The following SLC8A3 variants were observed in gnomAD, a reference collection of about 807,000 sequenced individuals.
SLC8A3 encodes sodium/calcium exchanger 3.
In SLC8A3, 37 loss-of-function variants were observed where a neutral mutation model predicts 65.4. The observed-to-expected ratio is 0.57, with a 90% CI of 0.44 to 0.74. SLC8A3 has a LOEUF of 0.74. Ranked by LOEUF, SLC8A3 falls within the 30% of genes least tolerant of loss-of-function variation. The probability of loss-of-function intolerance (pLI) is 0.00; values close to 1 mark genes in which losing one functional copy is unlikely to be tolerated. For missense variants in SLC8A3, 1,112 were observed against 1,172.1 expected (o/e 0.95, Z 0.75); for synonymous variants, 461 against 444.5 (o/e 1.04, Z -0.47).
chr14:70,160,402 C>T (rs1314145731), intron 2 of SLC8A3, among the ~76,000 whole-genome samples: 1 of 151,986 alleles, frequency 6.6e-6, no homozygotes, highest in African/African-American at 2.4e-5. Flanking sequence ...CGAGTGACAG[C>T]CTGGGCGACA....
chr14:70,089,271 C>G (rs904221802), intron 2 of SLC8A3, among the ~76,000 whole-genome samples: 1 of 152,184 alleles, frequency 6.6e-6, no homozygotes, highest in African/African-American at 2.4e-5. Flanking sequence ...GAGCCTCCCA[C>G]AGCTGGTGTT....
At chr14:70,084,025 T>A (rs1159838990) in intron 2 of SLC8A3, among the ~76,000 whole-genome samples, 1 of 152,200 alleles carries the variant, frequency 6.6e-6, no homozygotes, top group African/African-American at 2.4e-5. Flanking sequence ...CTGAATAACA[T>A]TGGGAAAAGC....
At chr14:70,171,127 C>T (rs1038992068) in intron 1 of SLC8A3, among the ~76,000 whole-genome samples, 11 of 152,148 alleles carry the variant, frequency 7.2e-5, no homozygotes, top group East Asian at 1.9e-4. Flanking sequence ...CCCCATGCAG[C>T]GATGACAGAT....
chr14:70,068,639 C>G (rs1192780916), intron 2 of SLC8A3, among the ~76,000 whole-genome samples: 4 of 152,320 alleles, frequency 2.6e-5, no homozygotes, highest in African/African-American at 9.6e-5. Context: ...TCACCTTGAC[C>G]TCCCAAAGTG....
At chr14:70,140,675 G>C (rs1276473365) in intron 2 of SLC8A3, among the ~76,000 whole-genome samples, 1 of 152,176 alleles carries the variant, frequency 6.6e-6, no homozygotes, top group Non-Finnish European at 1.5e-5. Flanking sequence ...TTTTTGAATG[G>C]AGTCTGGCAG....
rs1318363293 is a variant in SLC8A3 at position 70,051,159 on chromosome 14, AT to A, written c.2014-53del. On this transcript the variant is annotated intron_variant, in intron 4 of 6. Transcript: ENST00000356921. ...CATGAGGTTAGAATGCTCAGAACCA[AT>A]GAGGAGTCTGGTTCTTCAAAGGAAT... 4.9e-6 allele frequency: 6 copies of A among 1,214,782 alleles called. 1 individual carries two copies. The African/African-American group carries it at 8.9e-5, about 18-fold the overall frequency. The allele number at this position is 1,214,782 out of a possible 1,614,324, so 75.3% of individuals were successfully genotyped here. A position where few individuals can be genotyped will look rare whatever the true frequency, so the allele number is the denominator to read the frequency against.
chr14:70,106,356 T>A (rs905821665), intron 2 of SLC8A3, among the ~76,000 whole-genome samples: 5 of 152,284 alleles, frequency 3.3e-5, no homozygotes, highest in Admixed American at 3.3e-4. Context: ...AAAGAAAATA[T>A]TCTTGGAAAA....
At chr14:70,165,089 T>A (rs1897096861) in intron 2 of SLC8A3, among the ~76,000 whole-genome samples, 2 of 152,206 alleles carry the variant, frequency 1.3e-5, no homozygotes, top group South Asian at 4.1e-4. Context: ...ATGTCTATGG[T>A]TCAGAAAATC....
chr14:70,163,595 T>C (rs1048831770), intron 2 of SLC8A3, among the ~76,000 whole-genome samples: 2 of 152,334 alleles, frequency 1.3e-5, no homozygotes, highest in Admixed American at 6.5e-5. Context: ...GTTTCCAGAC[T>C]GGTGTGGCAA....
intron 2 of SLC8A3, among the ~76,000 whole-genome samples, chr14:70,081,141 G>A (rs1251473689): frequency 6.6e-6 from 1 of 152,194 alleles, no homozygotes; most frequent in Non-Finnish European, 1.5e-5. Context: ...AGTTGAAGTG[G>A]AGAATCTCCC....
chr14:70,051,862 G>T (rs534828872), intron 4 of SLC8A3, 128 bp downstream of exon 4: 6 of 699,366 alleles, frequency 8.6e-6, no homozygotes, highest in South Asian at 7.4e-5. Context: ...GAGACCTGGG[G>T]TGGGTAAGTG....
intron 2 of SLC8A3, among the ~76,000 whole-genome samples, chr14:70,135,303 A>G (rs1895116839): frequency 6.6e-6 from 1 of 152,222 alleles, no homozygotes; most frequent in Non-Finnish European, 1.5e-5. Flanking sequence ...AATGTAAGTA[A>G]TACAGCCACC....
intron 2 of SLC8A3, among the ~76,000 whole-genome samples, chr14:70,064,184 C>T (rs972515613): frequency 7.9e-5 from 12 of 152,272 alleles, no homozygotes; most frequent in Middle Eastern, 3.4e-3. Flanking sequence ...GCTTCACAGC[C>T]GAGGGCTCTG....
rs374457421 is a variant in SLC8A3, at chr14:70,113,187, G to A, written c.1785-52248C>T. Among the ~76,000 whole-genome samples, 3 of 152,128 alleles carry A rather than the reference G, an allele frequency of 2.0e-5. No individual in the cohort carries two copies. The East Asian group carries it at 5.8e-4, about 29-fold the overall frequency. ...TGTCATTAGGAAGTTTCATCACTGT[G>A]AAAACATCATAGAGTGTACTTACCC... On this transcript the variant is annotated intron_variant, in intron 2 of 6. Coordinates refer to ENST00000356921, the MANE Select transcript of SLC8A3 (RefSeq NM_182932.3).
In SLC8A3 at chr14:70,168,482, G is replaced by C; in HGVS notation, c.-60C>G. 7.2e-7 allele frequency: 1 copy of C among 1,390,578 alleles called. No homozygotes were observed. The highest frequency in any genetic ancestry group is 9.9e-7 in the Non-Finnish European group (1 of 1,011,166). 86.1% of individuals were successfully genotyped at this position (1,390,578 alleles called of 1,614,324 possible). The stretch of plus-strand genomic sequence containing the variant: ...CCAGTTGTCCTCCTGATAGGCCAGA[G>C]ACCTAGAAAAGATCAGAGAGGCAGG... On this transcript the variant is annotated splice_region_variant and 5_prime_UTR_variant, in exon 2 of 7. Transcript: ENST00000356921.
chr14:70,049,572 T>C (rs900305516), intron 5 of SLC8A3, among the ~76,000 whole-genome samples: 2 of 151,786 alleles, frequency 1.3e-5, no homozygotes, highest in African/African-American at 2.4e-5. Flanking sequence ...ATGGCACGTG[T>C]ATACCTATGT....
chr14:70,100,613 C>T (rs1892494338), intron 2 of SLC8A3, among the ~76,000 whole-genome samples: 1 of 152,162 alleles, frequency 6.6e-6, no homozygotes, highest in South Asian at 2.1e-4. Flanking sequence ...TGATTATAAG[C>T]CCTCACAGGA....
intron 2 of SLC8A3, among the ~76,000 whole-genome samples, chr14:70,062,809 G>C (rs1265556878): frequency 6.6e-6 from 1 of 152,190 alleles, no homozygotes; most frequent in Non-Finnish European, 1.5e-5. Flanking sequence ...GGACCCCAGG[G>C]CTGTCTACAA....
rs986947989 is a variant in SLC8A3 at position 70,067,534 on chromosome 14, G to A, written c.1785-6595C>T. ...CAGCACAGTGCCTGGCATACAGAAC[G>A]CCCTCAAACATAACTTGCTGAGTGA... On this transcript the variant is annotated intron_variant, in intron 2 of 6. Transcript: ENST00000356921. 3.3e-5 allele frequency among the ~76,000 whole-genome samples: 5 copies of A among 152,154 alleles called. 1 individual carries two copies. In the South Asian group the frequency reaches 6.2e-4, roughly 19 times the overall value.
Sources: gnomAD v4.1 joint callset for allele counts (sites outside exome capture counted in the v4.1 genomes callset) on GRCh38, gnomAD v4.1.1 for gene constraint, MANE v1.5 for transcripts, NCBI Gene and HGNC (gene_info 2026-07-23, HGNC 2026-07-21) for gene names.